The following HEG1 variants were observed in gnomAD, a reference collection of about 807,000 sequenced individuals.
HEG1 encodes the protein protein HEG homolog 1.
A neutral mutation model predicts 125.6 loss-of-function variants in HEG1; 56 were observed. That is an observed-to-expected ratio of 0.45 (90% CI 0.36 to 0.56). The LOEUF is 0.56. Among genes scored for constraint, HEG1 ranks in the 20% least tolerant of loss-of-function variants. The pLI, the probability that HEG1 is intolerant of heterozygous loss-of-function variation, is 0.00. For synonymous variants in HEG1, 644 were observed against 668.5 expected, an observed-to-expected ratio of 0.96 and a Z score of 0.57; for missense variants, 1,523 against 1,670.0, an observed-to-expected ratio of 0.91 and a Z score of 1.53.
At position 125,009,734 on chromosome 3, in the gene HEG1, T is replaced by C. The variant is rs749039711; in HGVS notation, c.3164A>G (p.Tyr1055Cys). 1.2e-6 allele frequency: 2 copies of C among 1,613,640 alleles called. No homozygotes were observed. Among genetic ancestry groups the C allele is most frequent in the African/African-American group, 1.3e-5 (1 of 75,036 alleles). The change falls in exon 8 of 17, where the codon TAC becomes TGC. Residue 1055 changes from tyrosine (Y) to cysteine (C), a missense_variant. Transcript: ENST00000311127. ...ATTGCATATCCCTTTTTCCAACTGG[T>C]ACCCAACCGGGCATTTGCAGATAAA... ...GSFICKCPVG[Y>C]QLEKGICNLV...
chr3:125,017,994 A>G (rs1937277359), intron 5 of HEG1, among the ~76,000 whole-genome samples: 2 of 151,780 alleles, frequency 1.3e-5, no homozygotes, highest in African/African-American at 4.8e-5. Flanking sequence ...GTGCCACTGC[A>G]CTCTAGCCTG....
chr3:124,972,577 A>G (rs1402189525), intron 16 of HEG1, among the ~76,000 whole-genome samples: 1 of 152,192 alleles, frequency 6.6e-6, no homozygotes, highest in African/African-American at 2.4e-5. Flanking sequence ...CAGCAACCAG[A>G]GGAATTATGG....
chr3:124,994,587 C>T (rs1936888411), intron 12 of HEG1, among the ~76,000 whole-genome samples: 1 of 151,588 alleles, frequency 6.6e-6, no homozygotes, highest in Non-Finnish European at 1.5e-5. Context: ...CTCACTGCAA[C>T]CTCCGCCTCC....
chr3:125,051,733 C>T (rs560357637), intron 1 of HEG1, among the ~76,000 whole-genome samples: 21 of 152,342 alleles, frequency 1.4e-4, no homozygotes, highest in South Asian at 1.0e-3. Context: ...ACAAAAAGGA[C>T]GCTGGAGACA....
At chr3:124,997,217 G>A (rs1169979353) in intron 12 of HEG1, among the ~76,000 whole-genome samples, 3 of 152,138 alleles carry the variant, frequency 2.0e-5, no homozygotes, top group East Asian at 1.9e-4. Context: ...AGAGGAAACC[G>A]AGGCTCAGAG....
chr3:125,042,444 AT>A (rs1187746959), intron 1 of HEG1, among the ~76,000 whole-genome samples: 1 of 152,220 alleles, frequency 6.6e-6, no homozygotes, highest in African/African-American at 2.4e-5. Context: ...AAATAAAAAA[AT>A]AAAAAAGTAT....
Position 125,001,843 on chromosome 3 carries a change from C to A in HEG1, c.3517+9G>T, listed in dbSNP as rs1169474667. 1 of 1,610,864 alleles carries A rather than the reference C, an allele frequency of 6.2e-7. No homozygotes were observed. The highest frequency in any genetic ancestry group is 1.3e-5 in the African/African-American group (1 of 74,996). The stretch of plus-strand genomic sequence containing the variant: ...TGGGTAGGATCCTCCCAGAGGGCTG[C>A]CCTCTTACCTCTAAAGATCCGCCTC... On this transcript the variant is annotated intron_variant, in intron 11 of 16. Transcript: ENST00000311127.
intron 6 of HEG1, among the ~76,000 whole-genome samples, chr3:125,011,245 CA>C (rs201989109): frequency 0.017 from 2,411 of 145,028 alleles, 63 homozygotes; most frequent in African/African-American, 0.05. Flanking sequence ...AGTCTTCACT[CA>C]AAAAAAAAAA....
chr3:124,981,413 T>C (rs926772811), intron 14 of HEG1, among the ~76,000 whole-genome samples: 6 of 152,182 alleles, frequency 3.9e-5, no homozygotes, highest in Admixed American at 1.3e-4. Context: ...TATCTTGCCA[T>C]GGTCCAGTAA....
intron 1 of HEG1, among the ~76,000 whole-genome samples, chr3:125,031,550 T>C (rs1196821403): frequency 6.6e-6 from 1 of 152,102 alleles, no homozygotes; most frequent in East Asian, 1.9e-4. Flanking sequence ...GAAACCTCTG[T>C]GGGGATGAAT....
At position 125,021,004 on chromosome 3, in the gene HEG1, G is replaced by A. The variant is rs774887083; in HGVS notation, c.1040C>T (p.Thr347Met). The change falls in exon 4 of 17, where the codon ACG becomes ATG. Residue 347 changes from threonine to methionine, a missense_variant. Thr to Met is a moderately conservative substitution (Grantham distance 81). Coordinates refer to ENST00000311127, the MANE Select transcript of HEG1 (RefSeq NM_020733.2). The stretch of plus-strand genomic sequence containing the variant: ...CTTGCTCACAGGTCCCAGACTGACC[G>A]TCAAAGATCGCAGCGTTCTCGGGCC... The part of the protein sequence containing the change: ...DGGPRTLRSL[T>M]VSLGPVSKTE... 44 of 1,613,724 alleles carry A rather than the reference G, an allele frequency of 2.7e-5. No homozygotes were observed. Among genetic ancestry groups the A allele is most frequent in the Admixed American group, 5.0e-5 (3 of 59,978 alleles).
chr3:125,048,734 G>A (rs1937735798), intron 1 of HEG1, among the ~76,000 whole-genome samples: 1 of 152,226 alleles, frequency 6.6e-6, no homozygotes, highest in Admixed American at 6.5e-5. Flanking sequence ...ATTTTAAGAA[G>A]ATCACTCTGG....
intron 1 of HEG1, among the ~76,000 whole-genome samples, chr3:125,043,246 G>C (rs1937610848): frequency 6.6e-6 from 1 of 152,204 alleles, no homozygotes; most frequent in Non-Finnish European, 1.5e-5. Context: ...ACTGAACCCA[G>C]ACCCAGGGGA....
chr3:125,054,990 G>C (rs980602629), intron 1 of HEG1, among the ~76,000 whole-genome samples: 17 of 152,174 alleles, frequency 1.1e-4, no homozygotes, highest in African/African-American at 4.1e-4. Context: ...GGGGAGGGAG[G>C]AGGCTCAGGG....
At chr3:124,974,131 G>A (rs1429140588) in intron 15 of HEG1, among the ~76,000 whole-genome samples, 1 of 151,964 alleles carries the variant, frequency 6.6e-6, no homozygotes, top group Non-Finnish European at 1.5e-5. Context: ...CAACCCAAAG[G>A]GGCCAGATTA....
chr3:125,002,259 A>G lies in HEG1; in HGVS notation c.3354T>C (p.Ser1118=), dbSNP rs758117594. 3 of 1,612,062 alleles carry G rather than the reference A, an allele frequency of 1.9e-6. No individual in the cohort carries two copies. The highest frequency in any genetic ancestry group is 4.5e-5 in the East Asian group (2 of 44,876). ...PSYIRSTVHA[S]RESNAVVISL... ...GCAAATATAATTCTGTTACTTACCT[A>G]GAGGCGTGAACTGTAGATCGGATGT... Residue 1118 remains serine, a splice_region_variant and synonymous_variant, in exon 10 of 17, where the codon TCT becomes TCC. Coordinates refer to ENST00000311127, the MANE Select transcript of HEG1 (RefSeq NM_020733.2).
chr3:124,987,924 T>TACACACACACACACAC (rs67009322), intron 14 of HEG1, among the ~76,000 whole-genome samples: 2,328 of 67,190 alleles, frequency 0.035, 167 homozygotes, highest in Middle Eastern at 0.064. Flanking sequence ...TATATATGTG[T>TACACACACACACACAC]ACACACACAC....
chr3:125,016,387 C>A (rs773498519), intron 5 of HEG1, among the ~76,000 whole-genome samples: 8 of 152,134 alleles, frequency 5.3e-5, no homozygotes, highest in African/African-American at 1.7e-4. Flanking sequence ...TATAAATGAA[C>A]TCCAAGATCT....
In HEG1 at chr3:125,007,913, C is replaced by CT. The variant is rs752094859; in HGVS notation, c.3193+1791dup. On this transcript the variant is annotated intron_variant, in intron 8 of 16. Coordinates refer to ENST00000311127, the MANE Select transcript of HEG1 (RefSeq NM_020733.2). ...GTAAATTATTAGAATAAAAGAAATT[C>CT]TTTTTTTTTTTTTTGAGACAGAGTC... 3.0e-3 allele frequency among the ~76,000 whole-genome samples: 439 copies of CT among 144,784 alleles called. 1 individual carries two copies. Among genetic ancestry groups the CT allele is most frequent in the African/African-American group, 4.7e-3 (188 of 39,650 alleles). The allele number at this position is 144,784 out of a possible 152,430, so 95.0% of individuals were successfully genotyped here.
Sources: gnomAD v4.1 joint callset for allele counts (sites outside exome capture counted in the v4.1 genomes callset) on GRCh38, gnomAD v4.1.1 for gene constraint, MANE v1.5 for transcripts, NCBI Gene and HGNC (gene_info 2026-07-23, HGNC 2026-07-21) for gene names.